RBFOX1: variants seen among roughly 807,000 people sequenced by gnomAD.
RBFOX1 encodes the protein RNA binding protein fox-1 homolog 1.
A neutral mutation model predicts 57.7 loss-of-function variants in RBFOX1; 8 were observed. The observed-to-expected ratio is 0.14, with a 90% CI of 0.08 to 0.25. The LOEUF (loss-of-function observed/expected upper bound fraction) is 0.25. Ranked by LOEUF, RBFOX1 falls within the 10% of genes least tolerant of loss-of-function variation. The pLI, the probability that RBFOX1 is intolerant of heterozygous loss-of-function variation, is 1.00. For missense variants in RBFOX1, 611 were observed against 548.5 expected (o/e 1.11, Z -1.14); for synonymous variants, 326 against 222.4 (o/e 1.47, Z -4.15).
intron 2 of RBFOX1, among the ~76,000 whole-genome samples, chr16:6,445,409 C>G (rs886178843): frequency 6.6e-6 from 1 of 151,944 alleles, no homozygotes; most frequent in Non-Finnish European, 1.5e-5. Flanking sequence ...CAGAGAAAAA[C>G]TCTCTCAGTT....
chr16:6,480,227 A>G (rs532406141), intron 2 of RBFOX1, among the ~76,000 whole-genome samples: 20 of 152,334 alleles, frequency 1.3e-4, no homozygotes, highest in African/African-American at 4.8e-4. Context: ...ACACATGTAC[A>G]CACATATAAC....
intron 3 of RBFOX1, among the ~76,000 whole-genome samples, chr16:5,842,796 T>C (rs2056658046): frequency 6.6e-6 from 1 of 152,032 alleles, no homozygotes; most frequent in Non-Finnish European, 1.5e-5. Context: ...TTGACCACAT[T>C]ACTATTTTTG....
At chr16:6,735,686 G>A (rs958393384) in intron 3 of RBFOX1, among the ~76,000 whole-genome samples, 1 of 152,128 alleles carries the variant, frequency 6.6e-6, no homozygotes, top group Non-Finnish European at 1.5e-5. Context: ...CAGATCCCTA[G>A]GGTTGCATTT....
intron 3 of RBFOX1, among the ~76,000 whole-genome samples, chr16:7,050,501 C>A (rs1471075909): frequency 6.6e-6 from 1 of 152,012 alleles, no homozygotes; most frequent in Non-Finnish European, 1.5e-5. Flanking sequence ...CCTGACCTCA[C>A]ATGATCCACC....
intron 1 of RBFOX1, among the ~76,000 whole-genome samples, chr16:6,296,423 C>T (rs61475548): frequency 0.25 from 35,408 of 143,978 alleles, 4,394 homozygotes; most frequent in Middle Eastern, 0.26. Context: ...AGGGGATGTA[C>T]TTTTTTTTTT....
intron 4 of RBFOX1, among the ~76,000 whole-genome samples, chr16:5,885,634 T>A (rs1468884525): frequency 3.9e-5 from 6 of 152,152 alleles, no homozygotes; most frequent in Admixed American, 3.9e-4. Context: ...CTATTCTATG[T>A]TCTCTTTCAG....
At chr16:5,726,303 AT>A (rs146487788) in intron 3 of RBFOX1, among the ~76,000 whole-genome samples, 1,694 of 152,020 alleles carry the variant, frequency 0.011, 28 homozygotes, top group African/African-American at 0.036. Flanking sequence ...ATTCAGCCAG[AT>A]TTGTCAGGCC....
rs143246990 is a variant in RBFOX1 at position 6,813,048 on chromosome 16, C to T, written c.-16+158398C>T. Among the ~76,000 whole-genome samples, 3 of 151,958 alleles carry T rather than the reference C, an allele frequency of 2.0e-5. No homozygotes were observed. The East Asian group carries it at 5.8e-4, about 30-fold the overall frequency. ...ACAAAAGACCTATTGTCATGGCAAC[C>T]AGTCAAACAATGCTGATGTATATGA... On this transcript the variant is annotated intron_variant, in intron 3 of 15. Transcript: ENST00000550418.
intron 3 of RBFOX1, chr16:5,632,329 C>G (rs1005800960): frequency 6.6e-6 from 1 of 152,240 alleles, no homozygotes; most frequent in African/African-American, 2.4e-5. Flanking sequence ...GTCCCTTGGG[C>G]AAGCCCTTTT....
intron 4 of RBFOX1, among the ~76,000 whole-genome samples, chr16:7,275,034 T>A (rs2095413516): frequency 6.6e-6 from 1 of 151,992 alleles, no homozygotes; most frequent in African/African-American, 2.4e-5. Context: ...TCTGAGCAGG[T>A]GGTCGAAGGG....
intron 4 of RBFOX1, among the ~76,000 whole-genome samples, chr16:7,231,695 C>T (rs1036673617): frequency 1.3e-5 from 2 of 152,132 alleles, no homozygotes; most frequent in African/African-American, 2.4e-5. Context: ...GTGGTCTATC[C>T]ATACAATGAA....
chr16:6,498,225 C>T (rs1489062569), intron 2 of RBFOX1, among the ~76,000 whole-genome samples: 1 of 145,178 alleles, frequency 6.9e-6, no homozygotes, highest in Non-Finnish European at 1.5e-5. Flanking sequence ...GCGCTCAAGC[C>T]TGGGTGACAG....
At chr16:5,494,901 A>G (rs558483341) in intron 2 of RBFOX1, among the ~76,000 whole-genome samples, 1 of 152,294 alleles carries the variant, frequency 6.6e-6, no homozygotes, top group East Asian at 1.9e-4. Context: ...TTATGTTCCA[A>G]ACCTTCTAGA....
At chr16:5,975,251 A>T (rs540857111) in intron 4 of RBFOX1, among the ~76,000 whole-genome samples, 2 of 152,308 alleles carry the variant, frequency 1.3e-5, no homozygotes, top group Admixed American at 6.5e-5. Flanking sequence ...TTCTAACTGC[A>T]TCGCTATCCT....
intron 4 of RBFOX1, among the ~76,000 whole-genome samples, chr16:7,479,678 G>A (rs1194155542): frequency 6.6e-6 from 1 of 152,110 alleles, no homozygotes; most frequent in African/African-American, 2.4e-5. Flanking sequence ...AGCCCCTCTT[G>A]GGGCTGCTTC....
intron 6 of RBFOX1, among the ~76,000 whole-genome samples, chr16:7,582,786 AG>A (rs2152858972): frequency 6.6e-6 from 1 of 152,340 alleles, no homozygotes; most frequent in African/African-American, 2.4e-5. Context: ...ACAATTACAG[AG>A]AAAAACAGTC....
At chr16:6,931,539 G>A (rs1306464532) in intron 3 of RBFOX1, among the ~76,000 whole-genome samples, 1 of 152,032 alleles carries the variant, frequency 6.6e-6, no homozygotes, top group African/African-American at 2.4e-5. Context: ...TTGCCAATTT[G>A]TTCACCCAAG....
chr16:7,022,955 C>A (rs539148373), intron 3 of RBFOX1, among the ~76,000 whole-genome samples: 3 of 152,150 alleles, frequency 2.0e-5, no homozygotes, highest in African/African-American at 7.2e-5. Context: ...TAAATAGACA[C>A]AGCCAGGAAG....
intron 1 of RBFOX1, among the ~76,000 whole-genome samples, chr16:5,266,930 A>C (rs2062874090): frequency 6.6e-6 from 1 of 152,070 alleles, no homozygotes; most frequent in Non-Finnish European, 1.5e-5. Context: ...GTAATAATTC[A>C]ATAAAGCATT....
Sources: allele counts gnomAD v4.1 joint callset (sites outside exome capture counted in the v4.1 genomes callset), GRCh38; gene constraint gnomAD v4.1.1; transcripts MANE v1.5; gene names NCBI Gene and HGNC (gene_info 2026-07-23, HGNC 2026-07-21).